Variants in RORA observed in about 807,000 individuals in gnomAD.
RORA encodes the protein nuclear receptor ROR-alpha.
RORA carries 7 observed loss-of-function variants against 69.5 expected under a neutral mutation model. That is an observed-to-expected ratio of 0.10 (90% CI 0.06 to 0.19). The LOEUF (loss-of-function observed/expected upper bound fraction) is 0.19. RORA is among the 10% of genes least tolerant of loss of function. RORA has a pLI of 1.00. For missense variants in RORA, 457 were observed against 663.0 expected, an observed-to-expected ratio of 0.69 and a Z score of 3.41; for synonymous variants, 261 against 240.8, an observed-to-expected ratio of 1.08 and a Z score of -0.78.
At chr15:61,179,142 T>C (rs2079658725) in intron 1 of RORA, among the ~76,000 whole-genome samples, 1 of 152,186 alleles carries the variant, frequency 6.6e-6, no homozygotes, top group South Asian at 2.1e-4. Context: ...CAGGATTCAG[T>C]ATCTCCACTC....
chr15:60,877,352 A>C (rs1444928030), intron 1 of RORA, among the ~76,000 whole-genome samples: 1 of 152,212 alleles, frequency 6.6e-6, no homozygotes, highest in Non-Finnish European at 1.5e-5. Flanking sequence ...CTCTCTCCCC[A>C]GGACTTAGCA....
At chr15:60,572,268 G>A (rs1567096253) in intron 2 of RORA, among the ~76,000 whole-genome samples, 1 of 152,106 alleles carries the variant, frequency 6.6e-6, no homozygotes, top group Non-Finnish European at 1.5e-5. Flanking sequence ...GCCAGCAAAG[G>A]GCAAAGAGGG....
intron 1 of RORA, among the ~76,000 whole-genome samples, chr15:60,941,197 G>C (rs561363672): frequency 1.3e-4 from 20 of 152,318 alleles, no homozygotes; most frequent in African/African-American, 4.8e-4. Context: ...GAAAAGCCTT[G>C]TCAGTTGCAG....
At chr15:60,885,743 T>G (rs549671640) in intron 1 of RORA, among the ~76,000 whole-genome samples, 1 of 152,264 alleles carries the variant, frequency 6.6e-6, no homozygotes, top group South Asian at 2.1e-4. Flanking sequence ...AATCTTAGCC[T>G]TGCCATTTGC....
At position 60,939,454 on chromosome 15, in the gene RORA, G is replaced by T. The variant is rs372534590; in HGVS notation, c.167-260768C>A. ...ACAGCAGGGACGCACGTGCTCACTTGCAACTCTGGGCCAGGCTGGTCCTGA... is the reference window on the plus strand; with the variant it reads ...ACAGCAGGGACGCACGTGCTCACTTTCAACTCTGGGCCAGGCTGGTCCTGA... On this transcript the variant is annotated intron_variant, in intron 1 of 10. Transcript: ENST00000335670. Among the ~76,000 whole-genome samples the T allele has an allele frequency of 7.8e-4, 119 of 152,280 alleles. 1 individual carries two copies. The South Asian group carries it at 0.024, about 31-fold the overall frequency.
intron 8 of RORA, among the ~76,000 whole-genome samples, chr15:60,501,990 A>G (rs1567039170): frequency 6.6e-6 from 1 of 152,080 alleles, no homozygotes; most frequent in South Asian, 2.1e-4. Context: ...ATTTATTATT[A>G]ATTATTCTGA....
At chr15:60,551,855 C>G (rs1646858023) in intron 2 of RORA, among the ~76,000 whole-genome samples, 1 of 152,246 alleles carries the variant, frequency 6.6e-6, no homozygotes, top group African/African-American at 2.4e-5. Context: ...CTGCCACCAT[C>G]TGTTCATTCT....
intron 1 of RORA, among the ~76,000 whole-genome samples, chr15:60,770,375 G>A (rs2072055847): frequency 6.6e-6 from 1 of 152,048 alleles, no homozygotes; most frequent in African/African-American, 2.4e-5. Flanking sequence ...TAGAAGTCAG[G>A]GGTTTGTAAG....
intron 2 of RORA, among the ~76,000 whole-genome samples, chr15:60,673,085 C>G (rs919030391): frequency 5.3e-5 from 8 of 152,202 alleles, no homozygotes. Context: ...ACCATCTCAA[C>G]ACACCCTTTG....
intron 3 of RORA, among the ~76,000 whole-genome samples, chr15:60,526,510 C>T (rs1446031220): frequency 6.6e-6 from 1 of 152,188 alleles, no homozygotes; most frequent in African/African-American, 2.4e-5. Context: ...TCTGAATCAT[C>T]TTGATGCAAA....
intron 1 of RORA, among the ~76,000 whole-genome samples, chr15:61,062,212 G>A (rs2078196358): frequency 6.6e-6 from 1 of 152,198 alleles, no homozygotes; most frequent in African/African-American, 2.4e-5. Context: ...CCCACACAGG[G>A]TTTTTGCTGT....
At chr15:60,718,215 C>A (rs2071245491) in intron 1 of RORA, among the ~76,000 whole-genome samples, 3 of 152,164 alleles carry the variant, frequency 2.0e-5, no homozygotes, top group African/African-American at 4.8e-5. Context: ...CATCACTGGG[C>A]AGAGTTTTTA....
At chr15:61,030,072 G>A (rs546725009) in intron 1 of RORA, among the ~76,000 whole-genome samples, 1 of 152,300 alleles carries the variant, frequency 6.6e-6, no homozygotes, top group East Asian at 1.9e-4. Context: ...AACCCAAAGT[G>A]ATGGTCATTC....
intron 2 of RORA, among the ~76,000 whole-genome samples, chr15:60,539,693 A>T (rs1254632951): frequency 6.6e-6 from 1 of 152,172 alleles, no homozygotes; most frequent in Admixed American, 6.5e-5. Context: ...CACCCAATAA[A>T]TGATACCACC....
At chr15:60,899,714 T>C (rs1891333151) in intron 1 of RORA, among the ~76,000 whole-genome samples, 1 of 152,214 alleles carries the variant, frequency 6.6e-6, no homozygotes, top group African/African-American at 2.4e-5. Flanking sequence ...CACTTCAAAC[T>C]AAACCAACGA....
intron 1 of RORA, among the ~76,000 whole-genome samples, chr15:60,726,581 C>G (rs147268103): frequency 3.1e-3 from 474 of 152,294 alleles, no homozygotes; most frequent in Non-Finnish European, 5.2e-3. Flanking sequence ...ATCCAATCAT[C>G]TCTTGAAAGA....
chr15:60,571,372 A>G (rs1219125898), intron 2 of RORA, among the ~76,000 whole-genome samples: 1 of 152,172 alleles, frequency 6.6e-6, no homozygotes, highest in African/African-American at 2.4e-5. Flanking sequence ...TCCAGTGCAT[A>G]TGAGTCCTAC....
At chr15:60,955,701 C>T (rs1270496909) in intron 1 of RORA, among the ~76,000 whole-genome samples, 3 of 152,144 alleles carry the variant, frequency 2.0e-5, no homozygotes, top group African/African-American at 7.2e-5. Flanking sequence ...GACTTGGCCC[C>T]CATATATGCT....
intron 1 of RORA, among the ~76,000 whole-genome samples, chr15:60,943,421 C>T (rs1892760940): frequency 6.6e-6 from 1 of 151,594 alleles, no homozygotes; most frequent in South Asian, 2.1e-4. Flanking sequence ...TTTGCTGTAT[C>T]AAGGTCATAC....
Sources: gnomAD v4.1 joint callset for allele counts (sites outside exome capture counted in the v4.1 genomes callset) on GRCh38, gnomAD v4.1.1 for gene constraint, MANE v1.5 for transcripts, NCBI Gene and HGNC (gene_info 2026-07-23, HGNC 2026-07-21) for gene names.